Variants in NBPF14 observed in about 807,000 individuals in gnomAD.
NBPF14 encodes the protein NBPF family member NBPF14.
NBPF14 carries 104 observed loss-of-function variants against 91.2 expected under a neutral mutation model. That is an observed-to-expected ratio of 1.14 (90% CI 0.97 to 1.34). NBPF14 has a LOEUF of 1.34. NBPF14 is among the 40% of genes most tolerant of loss of function. The probability of loss-of-function intolerance (pLI) is 0.00; values close to 1 mark genes in which losing one functional copy is unlikely to be tolerated. For synonymous variants in NBPF14, 294 were observed against 303.8 expected, an observed-to-expected ratio of 0.97 and a Z score of 0.34; for missense variants, 908 against 783.0, an observed-to-expected ratio of 1.16 and a Z score of -1.91.
intron 8 of NBPF14, among the ~76,000 whole-genome samples, 180 bp from the exon 9 acceptor site, chr1:148,586,649 C>A (rs1273470187): frequency 5.4e-5 from 8 of 147,762 alleles, no homozygotes; most frequent in Non-Finnish European, 1.5e-5. Flanking sequence ...CAGGCTTCCT[C>A]TGTATCAGAG....
At position 148,594,809 on chromosome 1, in the gene NBPF14, T is replaced by G. The variant is rs1434315822; in HGVS notation, c.175+734A>C. Reference sequence around the variant, plus strand: ...GCCTGCTGGGTTCAAAGGATTCTTCTGCCTCAGCCTCCCGATTAGTGGTGA... The same window carrying G: ...GCCTGCTGGGTTCAAAGGATTCTTCGGCCTCAGCCTCCCGATTAGTGGTGA... On this transcript the variant is annotated intron_variant, in intron 2 of 70. Coordinates refer to ENST00000619423, the Ensembl canonical transcript of NBPF14. Among the ~76,000 whole-genome samples the G allele has an allele frequency of 2.3e-5, 2 of 85,546 alleles. 1 individual carries two copies. The highest frequency in any genetic ancestry group is 8.8e-4 in the East Asian group (2 of 2,278). 56.1% of individuals were successfully genotyped at this position (85,546 alleles called of 152,430 possible).
chr1:148,572,614 G>A, exon 21 of NBPF14: 1 of 567,984 alleles, frequency 1.8e-6, no homozygotes, highest in South Asian at 2.1e-5. Flanking sequence ...TCCCTGCTGA[G>A]CCTGGAAAAG....
rs1446161404 is a variant in NBPF14, at chr1:148,534,612, C to T, written c.8614+72G>A. The T allele has an allele frequency of 1.6e-4, 146 of 908,756 alleles. 1 individual carries two copies. The highest frequency in any genetic ancestry group is 2.2e-4 in the Admixed American group (13 of 58,532). 56.3% of individuals were successfully genotyped at this position (908,756 alleles called of 1,614,324 possible). Reference sequence around the variant, plus strand: ...ACATCTCTCGGGTGAGTAAGGGCCACTTGGAATAGGAATATCACCCCTATC... The same window carrying T: ...ACATCTCTCGGGTGAGTAAGGGCCATTTGGAATAGGAATATCACCCCTATC... On this transcript the variant is annotated intron_variant, in intron 69 of 70. Coordinates refer to ENST00000619423, the Ensembl canonical transcript of NBPF14.
Position 148,595,267 on chromosome 1 carries a change from C to T in NBPF14, c.175+276G>A, listed in dbSNP as rs1336883081. Among the ~76,000 whole-genome samples, 28 of 147,982 alleles carry T rather than the reference C, an allele frequency of 1.9e-4. 3 individuals are homozygous for T. The highest frequency in any genetic ancestry group is 1.1e-3 in the South Asian group (5 of 4,590). On this transcript the variant is annotated intron_variant, in intron 2 of 70. Transcript: ENST00000619423. ...GGATTCTTGAAAACACGATTGAGCC[C>T]CTTGGAGAAAACAGGTCATTCTGTG...
exon 21 of NBPF14, chr1:148,572,448 A>C: frequency 2.0e-6 from 1 of 509,678 alleles, no homozygotes; most frequent in Admixed American, 3.1e-5. Context: ...CTCACTGTCC[A>C]CGTCAAGAGC....
rs1306658853 is a variant in NBPF14, at chr1:148,534,593, C to T, written c.8614+91G>A. 2.2e-4 allele frequency: 190 copies of T among 869,574 alleles called. 4 individuals are homozygous for T. In the African/African-American group the frequency reaches 2.6e-3, roughly 12 times the overall value. The allele number at this position is 869,574 out of a possible 1,614,324, so 53.9% of individuals were successfully genotyped here. A position where few individuals can be genotyped will look rare whatever the true frequency, so the allele number is the denominator to read the frequency against. On this transcript the variant is annotated intron_variant, in intron 69 of 70. Coordinates refer to ENST00000619423, the Ensembl canonical transcript of NBPF14. ...GGTCCTGCCTGCGGCAATGACATCTCTCGGGTGAGTAAGGGCCACTTGGAA... is the reference window on the plus strand; with the variant it reads ...GGTCCTGCCTGCGGCAATGACATCTTTCGGGTGAGTAAGGGCCACTTGGAA...
At position 148,566,566 on chromosome 1, in the gene NBPF14, G is replaced by A. The variant is rs1225491057; in HGVS notation, c.3543-251C>T. 5.6e-5 allele frequency among the ~76,000 whole-genome samples: 8 copies of A among 143,528 alleles called. 1 individual carries two copies. The highest frequency in any genetic ancestry group is 2.2e-4 in the East Asian group (1 of 4,514). 94.2% of individuals were successfully genotyped at this position (143,528 alleles called of 152,430 possible). ...AAACACACACACACACACAGAGAAC[G>A]AGCTCAGTGAATTGTCCAGGTGACA... On this transcript the variant is annotated intron_variant, in intron 28 of 70. Coordinates refer to ENST00000619423, the Ensembl canonical transcript of NBPF14.
rs1389099365 is a variant in NBPF14, at chr1:148,534,787, C to T, written c.8511G>A (p.Ser2837=). Residue 2837 remains serine, a synonymous_variant, in exon 69 of 71, where the codon TCG becomes TCA. Coordinates refer to ENST00000619423, the Ensembl canonical transcript of NBPF14. ...GCAGTTCAAGATAACCTGAAGGAGTCGAATAACATCTATCCAGTGAGTCCT... is the reference window on the plus strand; with the variant it reads ...GCAGTTCAAGATAACCTGAAGGAGTTGAATAACATCTATCCAGTGAGTCCT... The T allele has an allele frequency of 3.3e-5, 29 of 873,082 alleles. 2 individuals carry two copies. The highest frequency in any genetic ancestry group is 3.3e-4 in the Middle Eastern group (1 of 2,988). 54.1% of individuals were successfully genotyped at this position (873,082 alleles called of 1,614,324 possible).
intron 2 of NBPF14, among the ~76,000 whole-genome samples, chr1:148,593,994 T>C (rs1452392666): frequency 2.0e-5 from 3 of 149,246 alleles, no homozygotes; most frequent in African/African-American, 7.3e-5. Flanking sequence ...TGACTCTGAA[T>C]GTGGGGCCAC....
chr1:148,572,841 G>A (rs1336365576), intron 20 of NBPF14, among the ~76,000 whole-genome samples: 4 of 39,466 alleles, frequency 1.0e-4, no homozygotes, highest in African/African-American at 3.5e-4. Flanking sequence ...GACAGAGACA[G>A]AGAGAAAGTG....
intron 16 of NBPF14, 149 bp downstream of exon 16, chr1:148,576,261 A>G (rs1425987483): frequency 1.1e-5 from 6 of 569,558 alleles, no homozygotes; most frequent in African/African-American, 2.7e-5. Flanking sequence ...AAACCTAAGC[A>G]TCTACTGCAA....
intron 14 of NBPF14, 112 bp from the exon 15 acceptor site, chr1:148,577,467 T>A (rs2149537490): frequency 1.4e-6 from 1 of 695,792 alleles, no homozygotes; most frequent in South Asian, 1.6e-5. Context: ...AAAGGACAGA[T>A]CCATTAATGA....
intron 12 of NBPF14, among the ~76,000 whole-genome samples, chr1:148,579,787 C>T (rs1315401971): frequency 2.0e-5 from 3 of 152,156 alleles, no homozygotes; most frequent in Admixed American, 2.0e-4. Flanking sequence ...ATAGGCAACA[C>T]CAAGAAATCC....
At chr1:148,566,679 T>C (rs1490570892) in intron 28 of NBPF14, among the ~76,000 whole-genome samples, 7 of 127,512 alleles carry the variant, frequency 5.5e-5, no homozygotes, top group Non-Finnish European at 1.2e-4. Context: ...TGCTCAATAA[T>C]TTTCCATAAA....
intron 37 of NBPF14, 57 bp downstream of exon 37, chr1:148,559,736 A>G (rs1657372974): frequency 9.7e-6 from 9 of 930,348 alleles, no homozygotes; most frequent in Non-Finnish European, 1.5e-5. Context: ...CAGTAGGAAT[A>G]TGACCCTAAC....
At chr1:148,587,814 C>T (rs1661804174) in intron 7 of NBPF14, among the ~76,000 whole-genome samples, 1 of 141,514 alleles carries the variant, frequency 7.1e-6, no homozygotes, top group South Asian at 2.4e-4. Context: ...TGATGGTTTC[C>T]CTTTTACTGG....
chr1:148,590,035 A>G (rs1662200458), intron 6 of NBPF14, among the ~76,000 whole-genome samples: 1 of 123,640 alleles, frequency 8.1e-6, no homozygotes, highest in East Asian at 2.2e-4. Flanking sequence ...CTGGTCAGAG[A>G]CTTACTTTTT....
In NBPF14 at chr1:148,587,111, G is replaced by A. The variant is rs1201551671; in HGVS notation, c.1091+190C>T. ...TTTGAAAAAGAGAAAACAAGGCTCTGAGAAACAACTGCAACCCATACATTT... is the reference window on the plus strand; with the variant it reads ...TTTGAAAAAGAGAAAACAAGGCTCTAAGAAACAACTGCAACCCATACATTT... On this transcript the variant is annotated intron_variant, in intron 8 of 70. Transcript: ENST00000619423. Among the ~76,000 whole-genome samples, 5 of 148,414 alleles carry A rather than the reference G, an allele frequency of 3.4e-5. 1 individual carries two copies. The highest frequency in any genetic ancestry group is 4.9e-5 in the African/African-American group (2 of 40,868).
At chr1:148,566,281 C>G in exon 29 of NBPF14, 6 of 671,674 alleles carry the variant, frequency 8.9e-6, no homozygotes, top group Non-Finnish European at 1.1e-5. Flanking sequence ...TGCAAGACTT[C>G]AGGCTCTACT....
Sources: allele counts gnomAD v4.1 joint callset (sites outside exome capture counted in the v4.1 genomes callset), GRCh38; gene constraint gnomAD v4.1.1; transcripts MANE v1.5; gene names NCBI Gene and HGNC (gene_info 2026-07-23, HGNC 2026-07-21).